COL16A1: variants seen among roughly 807,000 people sequenced by gnomAD.
COL16A1 encodes collagen alpha-1(XVI) chain.
In COL16A1, 189 loss-of-function variants were observed where a neutral mutation model predicts 266.3. That is an observed-to-expected ratio of 0.71 (90% CI 0.63 to 0.80). The LOEUF is 0.80. Among genes scored for constraint, COL16A1 ranks in the 30% least tolerant of loss-of-function variants. The pLI, the probability that COL16A1 is intolerant of heterozygous loss-of-function variation, is 0.00. For synonymous variants in COL16A1, 740 were observed against 782.3 expected (o/e 0.95, Z 0.90); for missense variants, 1,928 against 2,122.4 (o/e 0.91, Z 1.80).
chr1:31,685,840 AGGGCTGGGG>A lies in COL16A1; in HGVS notation c.1885-79_1885-71del. The A allele has an allele frequency of 6.3e-7, 1 of 1,592,692 alleles. No individual in the cohort carries two copies. Among genetic ancestry groups the A allele is most frequent in the Non-Finnish European group, 8.6e-7 (1 of 1,165,646 alleles). ...TGCACTTGAGCGAGGTTTGGAATCT[AGGGCTGGGG>A]AATGTCACTGGGTCTGACACTGCAC... On this transcript the variant is annotated intron_variant, in intron 28 of 70. Coordinates refer to ENST00000373672, the MANE Select transcript of COL16A1 (RefSeq NM_001856.4). This position sits in a 1 kb window ranked among gnomAD's most constrained non-coding sequence, Gnocchi z 4.0.
At chr1:31,672,308 G>T in intron 47 of COL16A1, 108 bp downstream of exon 47, 2 of 1,260,176 alleles carry the variant, frequency 1.6e-6, no homozygotes, top group Middle Eastern at 5.0e-4. Flanking sequence ...GATGAGCCCA[G>T]AGTGGTAAAG....
At chr1:31,701,464 T>A (rs1644721471) in intron 2 of COL16A1, 1 of 985,330 alleles carries the variant, frequency 1.0e-6, no homozygotes. Flanking sequence ...CTAGGAGTTC[T>A]GTTCCTGCTT....
At chr1:31,695,963 G>C in intron 9 of COL16A1, 125 bp downstream of exon 9, 1 of 1,035,064 alleles carries the variant, frequency 9.7e-7, no homozygotes, top group Middle Eastern at 2.1e-4. Flanking sequence ...CATGTCCTAA[G>C]CTCTGTCCAG....
At chr1:31,661,269 G>C (rs1008422713) in intron 60 of COL16A1, 145 bp downstream of exon 60, 2 of 1,501,890 alleles carry the variant, frequency 1.3e-6, no homozygotes, top group Non-Finnish European at 1.8e-6. Context: ...GAGAAGCCCT[G>C]ACCCAGTCTG....
intron 47 of COL16A1, 103 bp downstream of exon 47, chr1:31,672,313 G>GTAAA: frequency 1.5e-6 from 2 of 1,328,684 alleles, no homozygotes; most frequent in Non-Finnish European, 2.1e-6. Context: ...GCCCAGAGTG[G>GTAAA]TAAAGGGCAT....
rs996018826 is a variant in COL16A1, at chr1:31,668,180, G to A, written c.3288C>T (p.Gly1096=). 2 of 1,612,426 alleles carry A rather than the reference G, an allele frequency of 1.2e-6. No individual in the cohort carries two copies. The highest frequency in any genetic ancestry group is 1.7e-6 in the Non-Finnish European group (2 of 1,179,280). ...CCTTACTCACAGGCAGTCCTGGGGG[G>A]CCCGTGGCACCTGGGTAACCTGGTT... ...PGQPGYPGAT[G]PPGLPGIKGE... The change falls in exon 51 of 71, where the codon GGC becomes GGT. Residue 1096 remains glycine (G), a synonymous_variant. Coordinates refer to ENST00000373672, the MANE Select transcript of COL16A1 (RefSeq NM_001856.4). The surrounding 1 kb of genome is among the most constrained non-coding windows in gnomAD (Gnocchi z 5.8).
intron 41 of COL16A1, 46 bp from the exon 42 acceptor site, chr1:31,679,731 C>A (rs1570476918): frequency 6.2e-7 from 1 of 1,611,718 alleles, no homozygotes; most frequent in East Asian, 2.2e-5. Flanking sequence ...AGCTCTGCCC[C>A]ATGGCCGAGA....
At position 31,668,676 on chromosome 1, in the gene COL16A1, G is replaced by T. The variant is rs1470471256; in HGVS notation, c.3249+126C>A. The T allele has an allele frequency of 1.1e-5, 11 of 1,027,446 alleles. No individual in the cohort carries two copies. Among genetic ancestry groups the T allele is most frequent in the Admixed American group, 7.3e-5 (4 of 54,832 alleles). The allele number at this position is 1,027,446 out of a possible 1,614,324, so 63.6% of individuals were successfully genotyped here. A position where few individuals can be genotyped will look rare whatever the true frequency, so the allele number is the denominator to read the frequency against. The stretch of plus-strand genomic sequence containing the variant: ...ACACTGAGGGAATCCCGGCAGAAGG[G>T]CAGAGAGTCTCAAGGAGTCCACCTC... On this transcript the variant is annotated intron_variant, in intron 50 of 70. Transcript: ENST00000373672. The surrounding 1 kb of genome is among the most constrained non-coding windows in gnomAD (Gnocchi z 5.8).
intron 23 of COL16A1, chr1:31,689,337 T>C (rs1644147783): frequency 1.6e-6 from 1 of 619,414 alleles, no homozygotes; most frequent in Non-Finnish European, 2.8e-6. Flanking sequence ...ATCACCTTTT[T>C]GTCTGACAGC....
In COL16A1 at chr1:31,664,109, C is replaced by G. The variant is rs980426404; in HGVS notation, c.3555+1063G>C. Among the ~76,000 whole-genome samples the G allele has an allele frequency of 8.1e-5, 12 of 147,342 alleles. No individual in the cohort carries two copies. Among genetic ancestry groups the G allele is most frequent in the African/African-American group, 2.7e-4 (11 of 40,576 alleles). On this transcript the variant is annotated intron_variant, in intron 56 of 70. Coordinates refer to ENST00000373672, the MANE Select transcript of COL16A1 (RefSeq NM_001856.4). This position sits in a 1 kb window ranked among gnomAD's most constrained non-coding sequence, Gnocchi z 5.5. The stretch of plus-strand genomic sequence containing the variant: ...AGAGGTTTGGGATTCTCTGCAATGA[C>G]CAGCCTAAGGAGAGCAGGGGCTGCC...
At chr1:31,703,396 C>G (rs985298922) in intron 1 of COL16A1, among the ~76,000 whole-genome samples, 1 of 152,094 alleles carries the variant, frequency 6.6e-6, no homozygotes, top group African/African-American at 2.4e-5. Context: ...AACTGTGCCC[C>G]CAGCCTGCCT....
chr1:31,687,106 G>A (rs1570533111), intron 26 of COL16A1, among the ~76,000 whole-genome samples: 2 of 152,312 alleles, frequency 1.3e-5, no homozygotes, highest in East Asian at 3.9e-4. Flanking sequence ...TGAAGGCTGG[G>A]CACGATGGCT....
In COL16A1 at chr1:31,652,674, T is replaced by G. The variant is rs1640728043; in HGVS notation, c.4792A>C (p.Thr1598Pro). 5.0e-6 allele frequency: 8 copies of G among 1,589,938 alleles called. No homozygotes were observed. The highest frequency in any genetic ancestry group is 6.8e-6 in the Non-Finnish European group (8 of 1,172,480). Residue 1598 changes from threonine (T) to proline (P), a missense_variant, in exon 71 of 71, where the codon ACC becomes CCC. Thr to Pro is a conservative substitution (Grantham distance 38, BLOSUM62 -1). Around this residue, in one of 2 missense-constraint regions of COL16A1, gnomAD observed 376 missense variants for 485.2 expected, o/e 0.77. Transcript: ENST00000373672. This position sits in a 1 kb window ranked among gnomAD's most constrained non-coding sequence, Gnocchi z 4.8. ...TTTCAGCCAAAAGGCCCCTTCATGG[T>G]TTTCATGGGTGGGTACTGCTGCTCC... ...PMEQQYPPMKTMKGPFG is the reference protein window; with the variant it reads ...PMEQQYPPMKPMKGPFG
Position 31,699,887 on chromosome 1 carries a change from G to C in COL16A1, c.192C>G (p.Ala64=). The change falls in exon 4 of 71, where the codon GCC becomes GCG. Residue 64 remains alanine (A), a synonymous_variant. Coordinates refer to ENST00000373672, the MANE Select transcript of COL16A1 (RefSeq NM_001856.4). ...IHRLSLMKTS[A]IKKIRNPKGP... ...CCTTGGGGTTGCGGATCTTCTTGAT[G>C]GCAGACGTCTTCATGAGGCTGAGTC... The C allele has an allele frequency of 6.2e-7, 1 of 1,614,092 alleles. No homozygotes were observed. The highest frequency in any genetic ancestry group is 8.5e-7 in the Non-Finnish European group (1 of 1,179,928).
chr1:31,695,269 G>A (rs2148819874), intron 10 of COL16A1, 48 bp from the exon 11 acceptor site: 1 of 1,598,432 alleles, frequency 6.3e-7, no homozygotes, highest in African/African-American at 1.3e-5. Context: ...CCCCTGGGGT[G>A]AGCCCTCCCC....
At chr1:31,696,535 C>G (rs905099711) in intron 8 of COL16A1, among the ~76,000 whole-genome samples, 2 of 152,242 alleles carry the variant, frequency 1.3e-5, no homozygotes, top group Non-Finnish European at 2.9e-5. Flanking sequence ...GGGTGTAAAA[C>G]CAGTCTGGCC....
Position 31,656,405 on chromosome 1 carries a change from G to T in COL16A1, c.4096C>A (p.Pro1366Thr), listed in dbSNP as rs370207674. The change falls in exon 66 of 71, where the codon CCC (proline) becomes ACC (threonine). Residue 1366 changes from proline to threonine, a missense_variant. By Grantham distance (38) the Pro-to-Thr change is conservative. Transcript: ENST00000373672. The surrounding 1 kb of genome is among the most constrained non-coding windows in gnomAD (Gnocchi z 4.2). ...CCCAGCCAGTGCCCACTCACCTTGG[G>T]ACCAGGAGGTCCATAGAATCCCTGC... ...GKQGFYGPPG[P>T]KGDPGAAGQK... The T allele has an allele frequency of 3.9e-5, 63 of 1,613,348 alleles. No homozygotes were observed. Among genetic ancestry groups the T allele is most frequent in the Non-Finnish European group, 5.2e-5 (61 of 1,179,804 alleles).
At chr1:31,694,311 C>A in intron 11 of COL16A1, 141 bp from the exon 12 acceptor site, 1 of 600,496 alleles carries the variant, frequency 1.7e-6, no homozygotes, top group Non-Finnish European at 2.8e-6. Flanking sequence ...CTCTGCTTCC[C>A]AGGCAAACTA....
chr1:31,659,780 C>G (rs560291757), intron 62 of COL16A1: 10 of 152,222 alleles, frequency 6.6e-5, no homozygotes, highest in African/African-American at 2.4e-4. Context: ...AGAGGCGGAA[C>G]CCTGCACCCC....
Sources: gnomAD v4.1 joint callset for allele counts (sites outside exome capture counted in the v4.1 genomes callset) on GRCh38, gnomAD v4.1.1 for gene constraint, gnomAD v4.1.1 regional missense constraint, Gnocchi (gnomAD v3.1) non-coding constraint, MANE v1.5 for transcripts, NCBI Gene and HGNC (gene_info 2026-07-23, HGNC 2026-07-21) for gene names.